RABL6: variants seen among roughly 807,000 people sequenced by gnomAD.
RABL6 encodes the protein RAB, member RAS oncogene family like 6.
A neutral mutation model predicts 72.9 loss-of-function variants in RABL6; 28 were observed. The observed-to-expected ratio is 0.38, with a 90% CI of 0.28 to 0.53. The LOEUF is 0.53. Among genes scored for constraint, RABL6 ranks in the 20% least tolerant of loss-of-function variants. RABL6 has a pLI of 0.80. For missense variants in RABL6, 1,029 were observed against 1,008.4 expected (o/e 1.02, Z -0.28); for synonymous variants, 477 against 421.2 (o/e 1.13, Z -1.62).
At chr9:136,821,253 A>G in intron 1 of RABL6, 1 of 896,994 alleles carries the variant, frequency 1.1e-6, no homozygotes, top group Non-Finnish European at 1.3e-6. Context: ...AAGGGACGTC[A>G]GCGCGTTGGT....
In RABL6 at chr9:136,837,397, G is replaced by A. The variant is rs765668008; in HGVS notation, c.861G>A (p.Ala287=). ...GCCGTGGCCATGCGTCCCCACTGGC[G>A]GCCAACGGGCAGAGCCCATCCCCGG... The part of the protein sequence containing the change: ...ARSRGHASPL[A]ANGQSPSPGS... Residue 287 remains alanine, a synonymous_variant, in exon 9 of 15, where the codon GCG becomes GCA. Coordinates refer to ENST00000311502, the MANE Select transcript of RABL6 (RefSeq NM_024718.5). 3.9e-5 allele frequency: 62 copies of A among 1,597,162 alleles called. No individual in the cohort carries two copies. Among genetic ancestry groups the A allele is most frequent in the Middle Eastern group, 1.7e-4 (1 of 6,056 alleles).
At chr9:136,821,524 G>C (rs938167671) in intron 1 of RABL6, 8 of 985,368 alleles carry the variant, frequency 8.1e-6, no homozygotes, top group East Asian at 2.3e-4. Flanking sequence ...TGCGCGGCCC[G>C]GGCAGTCTCT....
chr9:136,840,419 C>A lies in RABL6; in HGVS notation c.2087C>A (p.Pro696Gln). The A allele has an allele frequency of 6.5e-7, 1 of 1,549,962 alleles. No homozygotes were observed. ...EERRRRQQRPPRSRERTAADE... is the reference protein window; with the variant it reads ...EERRRRQQRPQRSRERTAADE... ...CGGCGACGGCGGCAGCAGCGGCCCC[C>A]GCGCAGCAGGGAGAGGACGGCTGCC... The change falls in exon 15 of 15, where the codon CCG becomes CAG. Residue 696 changes from proline (P) to glutamine (Q), a missense_variant. By Grantham distance (76) the Pro-to-Gln change is moderately conservative. Around this residue, in one of 2 missense-constraint regions of RABL6, gnomAD observed 595 missense variants for 472.4 expected, o/e 1.26. Coordinates refer to ENST00000311502, the MANE Select transcript of RABL6 (RefSeq NM_024718.5).
At chr9:136,812,526 T>G (rs1228817421) in intron 1 of RABL6, among the ~76,000 whole-genome samples, 1 of 151,748 alleles carries the variant, frequency 6.6e-6, no homozygotes, top group Non-Finnish European at 1.5e-5. Context: ...ACCACTGCGC[T>G]CCAGCCTGGG....
intron 1 of RABL6, among the ~76,000 whole-genome samples, chr9:136,812,404 T>C (rs1363440118): frequency 1.3e-5 from 2 of 152,012 alleles, no homozygotes; most frequent in East Asian, 1.9e-4. Context: ...ACTGAAAATA[T>C]GAAAATTAGC....
chr9:136,818,219 C>T (rs192697969), intron 1 of RABL6, among the ~76,000 whole-genome samples: 248 of 150,760 alleles, frequency 1.6e-3, no homozygotes, highest in African/African-American at 5.8e-3. Context: ...AAAAATTAGA[C>T]GGGCGTGGTG....
intron 10 of RABL6, 62 bp from the exon 11 acceptor site, chr9:136,838,847 C>T (rs113300124): frequency 3.0e-4 from 425 of 1,425,518 alleles, no homozygotes; most frequent in East Asian, 2.4e-3. Context: ...AACCAAGGCC[C>T]GTGAGCCCGG....
intron 5 of RABL6, 150 bp from the exon 6 acceptor site, chr9:136,831,571 C>T: frequency 1.7e-6 from 2 of 1,157,166 alleles, no homozygotes; most frequent in South Asian, 2.9e-5. Flanking sequence ...TTCCCTCTAG[C>T]TCTGCATGCA....
At chr9:136,809,486 T>G (rs1304601063) in intron 1 of RABL6, 1 of 284,608 alleles carries the variant, frequency 3.5e-6, no homozygotes, top group East Asian at 1.4e-4. Context: ...GTATGAAAGT[T>G]GGTGTCCGGG....
chr9:136,834,521 C>T (rs1848548081), intron 7 of RABL6: 1 of 930,620 alleles, frequency 1.1e-6, no homozygotes, highest in Non-Finnish European at 1.3e-6. Flanking sequence ...TCACTCTGTC[C>T]AGGCTGGAGT....
At chr9:136,815,323 C>A in intron 1 of RABL6, 1 of 276,600 alleles carries the variant, frequency 3.6e-6, no homozygotes. Context: ...GTGGCACCTG[C>A]AGCCTTTTTT....
chr9:136,840,940 A>T lies in RABL6; in HGVS notation c.*418A>T. 6.8e-7 allele frequency: 1 copy of T among 1,465,728 alleles called. No homozygotes were observed. The highest frequency in any genetic ancestry group is 9.1e-7 in the Non-Finnish European group (1 of 1,104,464). The allele number at this position is 1,465,728 out of a possible 1,614,324, so 90.8% of individuals were successfully genotyped here. ...GCTCATCTGGGGCCGCAGCATGCCT[A>T]TGGTTCCGCTTCCGGCCGGGAGCCC... On this transcript the variant is annotated 3_prime_UTR_variant, in exon 15 of 15. Coordinates refer to ENST00000311502, the MANE Select transcript of RABL6 (RefSeq NM_024718.5).
intron 12 of RABL6, 87 bp downstream of exon 12, chr9:136,839,573 G>A (rs1848649731): frequency 1.3e-6 from 2 of 1,553,080 alleles, no homozygotes; most frequent in Non-Finnish European, 1.7e-6. Flanking sequence ...AGTGGGAGGA[G>A]GCTTCTGGAA....
At chr9:136,817,336 A>C (rs140619496) in intron 1 of RABL6, among the ~76,000 whole-genome samples, 1 of 152,336 alleles carries the variant, frequency 6.6e-6, no homozygotes, top group African/African-American at 2.4e-5. Context: ...AACTCCAAGA[A>C]GTCCAGAGTT....
At chr9:136,823,921 G>A (rs554611537) in intron 2 of RABL6, among the ~76,000 whole-genome samples, 216 of 152,340 alleles carry the variant, frequency 1.4e-3, no homozygotes, top group African/African-American at 5.0e-3. Context: ...GTGGGCACGC[G>A]GGCGCCTCGG....
intron 7 of RABL6, chr9:136,832,970 C>G (rs1848509542): frequency 2.9e-6 from 1 of 339,864 alleles, no homozygotes. Flanking sequence ...CTGATTGGGT[C>G]TGGGGGACCT....
At chr9:136,832,432 C>CT (rs773635339) in intron 7 of RABL6, 62 bp downstream of exon 7, 1 of 1,336,838 alleles carries the variant, frequency 7.5e-7, no homozygotes, top group South Asian at 1.2e-5. Flanking sequence ...CAGGTGTCTC[C>CT]TGTGTAGCAA....
intron 1 of RABL6, chr9:136,814,942 C>T (rs1356430722): frequency 2.4e-5 from 4 of 166,182 alleles, no homozygotes; most frequent in Admixed American, 6.5e-5. Flanking sequence ...CCTCATCATC[C>T]TCTTCATCTT....
intron 1 of RABL6, chr9:136,821,308 T>C (rs767347483): frequency 1.0e-6 from 1 of 984,340 alleles, no homozygotes; most frequent in Non-Finnish European, 1.2e-6. Context: ...GTCTCTGCGC[T>C]CTCCGCGTTG....
Sources: gnomAD v4.1 joint callset for allele counts (sites outside exome capture counted in the v4.1 genomes callset) on GRCh38, gnomAD v4.1.1 for gene constraint, gnomAD v4.1.1 regional missense constraint, MANE v1.5 for transcripts, NCBI Gene and HGNC (gene_info 2026-07-23, HGNC 2026-07-21) for gene names.